Variants in PM20D2 observed in about 807,000 individuals in gnomAD.
The protein encoded by PM20D2 is xaa-Arg dipeptidase.
PM20D2 carries 33 observed loss-of-function variants against 42.9 expected under a neutral mutation model. The observed-to-expected ratio is 0.77, with a 90% CI of 0.58 to 1.03. PM20D2 has a LOEUF of 1.03. Among genes scored for constraint, PM20D2 ranks in the 50% least tolerant of loss-of-function variants. The pLI is 0.00. For missense variants in PM20D2, 548 were observed against 557.0 expected (o/e 0.98, Z 0.16); for synonymous variants, 250 against 228.2 (o/e 1.10, Z -0.86).
rs1243770741 is a variant in PM20D2 at position 89,161,830 on chromosome 6, C to T, written c.1096C>T (p.Pro366Ser). The change falls in exon 6 of 7, where the codon CCA becomes TCA. Residue 366 changes from proline (P) to serine (S), a missense_variant. Around this residue, in one of 3 missense-constraint regions of PM20D2, gnomAD observed 7 missense variants for 22.9 expected, o/e 0.31. Transcript: ENST00000275072. ...TAGTTTTGTGGTTCCTGGAATTCAT[C>T]CATATTTTCACATTGGATCTAATGC... is the stretch of plus-strand genomic sequence containing the variant. ...NVSFVVPGIH[P>S]YFHIGSNALN... The T allele has an allele frequency of 1.9e-6, 3 of 1,613,720 alleles. No individual in the cohort carries two copies. The highest frequency in any genetic ancestry group is 2.5e-6 in the Non-Finnish European group (3 of 1,179,606).
At chr6:89,109,095 T>C in the PM20D2 span, among the ~76,000 whole-genome samples, 1 of 152,162 alleles carries the variant, frequency 6.6e-6, no homozygotes, top group African/African-American at 2.4e-5. Context: ...AAAACACAAT[T>C]CCTGCTCCCA....
At chr6:89,108,419 A>G in the PM20D2 span, among the ~76,000 whole-genome samples, 1 of 152,222 alleles carries the variant, frequency 6.6e-6, no homozygotes, top group African/African-American at 2.4e-5. Context: ...CAGGTGATAC[A>G]GACAGAGTAA....
chr6:89,095,364 C>T, the PM20D2 span, among the ~76,000 whole-genome samples: 1 of 152,142 alleles, frequency 6.6e-6, no homozygotes, highest in Non-Finnish European at 1.5e-5. Context: ...TAGCATGCGC[C>T]ACCACGCCCG....
chr6:89,103,039 C>T, the PM20D2 span, among the ~76,000 whole-genome samples: 2 of 152,152 alleles, frequency 1.3e-5, no homozygotes, highest in Non-Finnish European at 2.9e-5. Flanking sequence ...GCTGGGATCA[C>T]AGGTGTGAGC....
intron 2 of PM20D2, among the ~76,000 whole-genome samples, chr6:89,152,118 G>C (rs1203466392): frequency 6.6e-6 from 1 of 151,890 alleles, no homozygotes; most frequent in African/African-American, 2.4e-5. Flanking sequence ...TCATTTCAAG[G>C]TCATGGTGAT....
At chr6:89,119,625 T>C in the PM20D2 span, among the ~76,000 whole-genome samples, 3 of 152,182 alleles carry the variant, frequency 2.0e-5, no homozygotes, top group Non-Finnish European at 4.4e-5. Context: ...TTTATTCTCT[T>C]GTAGTTCAGA....
At chr6:89,098,406 A>T in the PM20D2 span, 2 of 805,670 alleles carry the variant, frequency 2.5e-6, no homozygotes, top group Non-Finnish European at 3.6e-6. Flanking sequence ...TGGGCCCTTT[A>T]AATGGAGACC....
chr6:89,158,981 C>T (rs941309928), intron 5 of PM20D2, among the ~76,000 whole-genome samples: 10 of 151,820 alleles, frequency 6.6e-5, no homozygotes, highest in Admixed American at 1.3e-4. Context: ...TTGAAGTAGG[C>T]CCAAAAGGAC....
chr6:89,100,555 A>T, the PM20D2 span, among the ~76,000 whole-genome samples: 9 of 152,068 alleles, frequency 5.9e-5, no homozygotes, highest in South Asian at 1.9e-3. Flanking sequence ...AATAACTAAA[A>T]ACTAAGGAAA....
chr6:89,146,684 G>T, intron 1 of PM20D2, 75 bp downstream of exon 1: 2 of 1,226,398 alleles, frequency 1.6e-6, no homozygotes, highest in Non-Finnish European at 1.1e-6. Flanking sequence ...CGGGACTCTC[G>T]TGCGTCCCGC....
chr6:89,143,383 G>A (rs1311858903), upstream of PM20D2, among the ~76,000 whole-genome samples: 1 of 152,192 alleles, frequency 6.6e-6, no homozygotes, highest in African/African-American at 2.4e-5. Context: ...TATTGAGTCA[G>A]TTGTGATGAC....
At chr6:89,144,770 G>A (rs193038484), upstream of PM20D2, among the ~76,000 whole-genome samples, 167 of 152,176 alleles carry the variant, frequency 1.1e-3, 1 homozygote, top group Non-Finnish European at 1.6e-3. Context: ...ATTGGATCTC[G>A]TGGATACAGG....
At chr6:89,098,044 T>C in the PM20D2 span, 1 of 152,382 alleles carries the variant, frequency 6.6e-6, no homozygotes, top group Admixed American at 6.5e-5. Context: ...TTTTGAATGT[T>C]TGATCTCTAT....
At chr6:89,107,386 T>C in the PM20D2 span, 11 of 680,892 alleles carry the variant, frequency 1.6e-5, no homozygotes, top group Non-Finnish European at 2.5e-5. Flanking sequence ...AAAATTGTTT[T>C]TTGTAAGAAT....
At chr6:89,129,617 G>A in the PM20D2 span, among the ~76,000 whole-genome samples, 1 of 143,008 alleles carries the variant, frequency 7.0e-6, no homozygotes, top group Non-Finnish European at 1.5e-5. Context: ...TTTTGAGAGA[G>A]GGTCCCACTC....
chr6:89,161,535 G>A (rs191167278), intron 5 of PM20D2, among the ~76,000 whole-genome samples: 6 of 152,248 alleles, frequency 3.9e-5, no homozygotes, highest in East Asian at 3.9e-4. Context: ...CTGGCCAAGA[G>A]GGCCAGTAAA....
chr6:89,118,891 T>C, the PM20D2 span, among the ~76,000 whole-genome samples: 1 of 152,204 alleles, frequency 6.6e-6, no homozygotes, highest in Non-Finnish European at 1.5e-5. Flanking sequence ...CCTCTCCCTA[T>C]TCCCCCAAAA....
chr6:89,113,711 T>C, the PM20D2 span, among the ~76,000 whole-genome samples: 1 of 152,188 alleles, frequency 6.6e-6, no homozygotes, highest in African/African-American at 2.4e-5. Context: ...TGGTGCCATC[T>C]TGACTCACTG....
chr6:89,160,808 T>C (rs1771207960), intron 5 of PM20D2, among the ~76,000 whole-genome samples: 1 of 152,174 alleles, frequency 6.6e-6, no homozygotes, highest in African/African-American at 2.4e-5. Context: ...AAGGCTTTGC[T>C]GAGGAAATGA....
Sources: gnomAD v4.1 joint callset for allele counts (sites outside exome capture counted in the v4.1 genomes callset) on GRCh38, gnomAD v4.1.1 for gene constraint, gnomAD v4.1.1 regional missense constraint, MANE v1.5 for transcripts, NCBI Gene and HGNC (gene_info 2026-07-23, HGNC 2026-07-21) for gene names.